The following SPOP variants were observed in gnomAD, a reference collection of about 807,000 sequenced individuals.
The protein encoded by SPOP is speckle type BTB/POZ protein, also known as speckle-type POZ protein.
In SPOP, 11 loss-of-function variants were observed where a neutral mutation model predicts 45.6. The ratio of observed to expected loss-of-function variants is 0.24; its 90% CI spans 0.15 to 0.40. The LOEUF is 0.40. Among genes scored for constraint, SPOP ranks in the 10% least tolerant of loss-of-function variants. SPOP has a pLI of 1.00. For synonymous variants in SPOP, 166 were observed against 166.3 expected, an observed-to-expected ratio of 1.00 and a Z score of 0.01; for missense variants, 152 against 465.6, an observed-to-expected ratio of 0.33 and a Z score of 6.20.
chr17:49,621,266 G>T (rs2072217620), intron 3 of SPOP, among the ~76,000 whole-genome samples: 1 of 152,180 alleles, frequency 6.6e-6, no homozygotes, highest in African/African-American at 2.4e-5. Context: ...ACTTTTGCTA[G>T]CATGTAGTAG....
At chr17:49,637,176 G>A (rs542225452) in intron 1 of SPOP, among the ~76,000 whole-genome samples, 2 of 152,036 alleles carry the variant, frequency 1.3e-5, no homozygotes, top group East Asian at 3.9e-4. Context: ...AGAGATTCCG[G>A]TGACCTCAAA....
intron 5 of SPOP, chr17:49,613,029 G>C (rs2072008630): frequency 6.6e-6 from 1 of 152,150 alleles, no homozygotes; most frequent in Non-Finnish European, 1.5e-5. Flanking sequence ...CAATGAAACA[G>C]CCAAGTTAAT....
intron 8 of SPOP, among the ~76,000 whole-genome samples, chr17:49,605,423 C>T (rs1052602494): frequency 6.6e-6 from 1 of 152,224 alleles, no homozygotes; most frequent in Non-Finnish European, 1.5e-5. Context: ...GCCATGGTGG[C>T]TCACACCCAT....
intron 1 of SPOP, among the ~76,000 whole-genome samples, chr17:49,671,214 A>G (rs2073131286): frequency 6.6e-6 from 1 of 152,106 alleles, no homozygotes; most frequent in African/African-American, 2.4e-5. Flanking sequence ...CACTAGGTAC[A>G]TCAAGTTAAA....
In SPOP at chr17:49,619,417, A is replaced by G. The variant is rs2143275503; in HGVS notation, c.201-32T>C. On this transcript the variant is annotated intron_variant, in intron 3 of 9. Coordinates refer to ENST00000504102, the MANE Select transcript of SPOP (RefSeq NM_001007228.2). This position sits in a 1 kb window ranked among gnomAD's most constrained non-coding sequence, Gnocchi z 4.9. ...AAAACAGATAGAAAAAAAAAATGTC[A>G]AAAGCATCCATTTTGATAGAACTGG... The G allele has an allele frequency of 6.3e-7, 1 of 1,581,656 alleles. No homozygotes were observed. Among genetic ancestry groups the G allele is most frequent in the Non-Finnish European group, 8.6e-7 (1 of 1,167,652 alleles).
rs144557040 is a variant in SPOP, at chr17:49,621,345, C to T, written c.200+601G>A. Among the ~76,000 whole-genome samples the T allele has an allele frequency of 1.4e-3, 217 of 152,284 alleles. 3 individuals carry two copies. The highest frequency in any genetic ancestry group is 5.0e-3 in the African/African-American group (207 of 41,534). ...AAGCCAGACCTGAGATGTCCAAGAG[C>T]GTGGAGAACAGGGCCAGGGCAGAGA... On this transcript the variant is annotated intron_variant, in intron 3 of 9. Transcript: ENST00000504102.
At chr17:49,653,244 A>G (rs2072865196) in intron 1 of SPOP, among the ~76,000 whole-genome samples, 1 of 152,086 alleles carries the variant, frequency 6.6e-6, no homozygotes, top group Non-Finnish European at 1.5e-5. Context: ...AAGAAAAGCA[A>G]TATATATACA....
chr17:49,650,582 AAAT>A (rs760255042), intron 1 of SPOP, among the ~76,000 whole-genome samples: 35 of 152,308 alleles, frequency 2.3e-4, no homozygotes, highest in Non-Finnish European at 3.4e-4. Context: ...TCCGTTTCAA[AAAT>A]AATAATAACA....
intron 5 of SPOP, among the ~76,000 whole-genome samples, chr17:49,614,795 G>A (rs1001507383): frequency 7.4e-6 from 1 of 135,222 alleles, no homozygotes. Flanking sequence ...CTATTCCCAT[G>A]CTATGAAGTG....
At chr17:49,674,078 C>CAAA (rs1355914496) in intron 1 of SPOP, among the ~76,000 whole-genome samples, 5 of 152,014 alleles carry the variant, frequency 3.3e-5, no homozygotes, top group Admixed American at 3.3e-4. Flanking sequence ...ACCAGGGAGG[C>CAAA]AGAGGTTGCG....
chr17:49,668,542 A>T (rs2073092479), intron 1 of SPOP, among the ~76,000 whole-genome samples: 1 of 152,112 alleles, frequency 6.6e-6, no homozygotes. Context: ...CTAAGGAGGG[A>T]GGGAAGAAGA....
chr17:49,669,511 A>G (rs1022214177), intron 1 of SPOP, among the ~76,000 whole-genome samples: 17 of 148,596 alleles, frequency 1.1e-4, no homozygotes, highest in Non-Finnish European at 2.1e-4. Flanking sequence ...TCATGCCTGT[A>G]ATCCCAGGAC....
chr17:49,647,914 G>A (rs961864352), intron 1 of SPOP, among the ~76,000 whole-genome samples: 5 of 152,162 alleles, frequency 3.3e-5, no homozygotes, highest in African/African-American at 9.7e-5. Context: ...AGAAACCAGT[G>A]TCTTTCTCCA....
chr17:49,672,973 G>A (rs993787404), intron 1 of SPOP, among the ~76,000 whole-genome samples: 6 of 151,910 alleles, frequency 3.9e-5, no homozygotes, highest in Non-Finnish European at 8.8e-5. Flanking sequence ...ACAGTATCAT[G>A]TGGCTTCTAA....
intron 1 of SPOP, among the ~76,000 whole-genome samples, chr17:49,631,279 C>T (rs1300091475): frequency 1.3e-5 from 2 of 152,088 alleles, no homozygotes; most frequent in Non-Finnish European, 2.9e-5. Flanking sequence ...TAATAATATG[C>T]ATCTCTTAAA....
At chr17:49,651,891 C>A (rs1458796186) in intron 1 of SPOP, among the ~76,000 whole-genome samples, 1 of 151,854 alleles carries the variant, frequency 6.6e-6, no homozygotes, top group Non-Finnish European at 1.5e-5. Flanking sequence ...TGGTGGCGGG[C>A]GCCTGTAATC....
chr17:49,618,908 T>C (rs2072148534), intron 5 of SPOP, 73 bp downstream of exon 5: 3 of 1,515,648 alleles, frequency 2.0e-6, no homozygotes, highest in South Asian at 1.3e-5. Context: ...ACATCCCTGA[T>C]ACAATATAAT....
chr17:49,677,271 A>G (rs117936595), intron 1 of SPOP, among the ~76,000 whole-genome samples: 3,212 of 152,300 alleles, frequency 0.021, 48 homozygotes, highest in Non-Finnish European at 0.033. Context: ...CGATGGGAGT[A>G]TAGGAATGGA....
intron 1 of SPOP, among the ~76,000 whole-genome samples, chr17:49,662,064 C>G (rs2072996113): frequency 6.7e-6 from 1 of 149,292 alleles, no homozygotes; most frequent in African/African-American, 2.5e-5. Flanking sequence ...AGGGAGGTCT[C>G]TTCCTCTTTA....
Sources: gnomAD v4.1 joint callset for allele counts (sites outside exome capture counted in the v4.1 genomes callset) on GRCh38, gnomAD v4.1.1 for gene constraint, Gnocchi (gnomAD v3.1) non-coding constraint, MANE v1.5 for transcripts, NCBI Gene and HGNC (gene_info 2026-07-23, HGNC 2026-07-21) for gene names.